The following NELL1 variants were observed in gnomAD, a reference collection of about 807,000 sequenced individuals.
NELL1 encodes the protein neural EGFL like 1, also known as protein kinase C-binding protein NELL1.
Under a neutral mutation model 107.4 loss-of-function variants are expected in NELL1, and 76 were observed. That is an observed-to-expected ratio of 0.71 (90% CI 0.59 to 0.86). NELL1 has a LOEUF of 0.86. Among genes scored for constraint, NELL1 ranks in the 40% least tolerant of loss-of-function variants. The pLI, the probability that NELL1 is intolerant of heterozygous loss-of-function variation, is 0.00. For missense variants in NELL1, 1,024 were observed against 1,005.5 expected, an observed-to-expected ratio of 1.02 and a Z score of -0.25; for synonymous variants, 353 against 341.2, an observed-to-expected ratio of 1.03 and a Z score of -0.38.
At chr11:21,564,959 G>A (rs183872997) in intron 17 of NELL1, among the ~76,000 whole-genome samples, 88 of 151,988 alleles carry the variant, frequency 5.8e-4, no homozygotes, top group African/African-American at 2.0e-3. Flanking sequence ...GAAAGAATCT[G>A]ATCCACAAGG....
chr11:20,870,285 A>G (rs997231398), intron 4 of NELL1, among the ~76,000 whole-genome samples: 2 of 152,200 alleles, frequency 1.3e-5, no homozygotes, highest in African/African-American at 4.8e-5. Flanking sequence ...TTTACCCATT[A>G]GTTTTCTTCA....
intron 15 of NELL1, among the ~76,000 whole-genome samples, chr11:21,489,196 C>A (rs76067362): frequency 6.6e-6 from 1 of 151,364 alleles, no homozygotes; most frequent in East Asian, 1.9e-4. Flanking sequence ...GGATAAATTC[C>A]TGGAAACATA....
At chr11:20,840,854 A>C (rs1385449378) in intron 3 of NELL1, among the ~76,000 whole-genome samples, 2 of 152,232 alleles carry the variant, frequency 1.3e-5, no homozygotes, top group Non-Finnish European at 2.9e-5. Context: ...GTCTCAAAAT[A>C]CAGTTTTCCC....
At chr11:20,745,158 C>T (rs1245573872) in intron 2 of NELL1, among the ~76,000 whole-genome samples, 1 of 152,142 alleles carries the variant, frequency 6.6e-6, no homozygotes, top group Non-Finnish European at 1.5e-5. Flanking sequence ...AGGATGTTAT[C>T]TTGTTCACAG....
chr11:21,313,662 T>C (rs1225111222), intron 14 of NELL1, among the ~76,000 whole-genome samples: 3 of 152,170 alleles, frequency 2.0e-5, no homozygotes, highest in Non-Finnish European at 4.4e-5. Context: ...GAGGGCCTTC[T>C]TGCTGGTGGG....
chr11:21,230,841 T>C (rs1045123327), intron 14 of NELL1, among the ~76,000 whole-genome samples: 1 of 152,076 alleles, frequency 6.6e-6, no homozygotes, highest in African/African-American at 2.4e-5. Context: ...TTTGACAAAA[T>C]TTATCAACAT....
At chr11:21,337,827 T>TTGCTTGCTTG (rs1565175539) in intron 14 of NELL1, among the ~76,000 whole-genome samples, 4 of 105,510 alleles carry the variant, frequency 3.8e-5, no homozygotes, top group African/African-American at 1.2e-4. Context: ...CTTCTTTCTT[T>TTGCTTGCTTG]CTTTCTTTCT....
At chr11:21,429,339 C>A (rs1852911040) in intron 15 of NELL1, among the ~76,000 whole-genome samples, 1 of 152,092 alleles carries the variant, frequency 6.6e-6, no homozygotes. Flanking sequence ...AAATATGATT[C>A]AAATGTTTTA....
chr11:21,370,569 A>G (rs940812142), intron 14 of NELL1, among the ~76,000 whole-genome samples: 1 of 152,106 alleles, frequency 6.6e-6, no homozygotes, highest in African/African-American at 2.4e-5. Flanking sequence ...TTTCAAATGT[A>G]TAAATGAGAG....
intron 15 of NELL1, among the ~76,000 whole-genome samples, chr11:21,474,188 T>A (rs1186573954): frequency 6.6e-6 from 1 of 152,066 alleles, no homozygotes; most frequent in Non-Finnish European, 1.5e-5. Context: ...ACATTAACTT[T>A]CTTTACTTAA....
chr11:21,339,464 A>G (rs995992047), intron 14 of NELL1, among the ~76,000 whole-genome samples: 12 of 152,204 alleles, frequency 7.9e-5, no homozygotes, highest in Non-Finnish European at 1.2e-4. Flanking sequence ...CTGTTGTTTA[A>G]GACATTAAGT....
chr11:21,417,208 C>G (rs578163835), intron 15 of NELL1, among the ~76,000 whole-genome samples: 16 of 151,942 alleles, frequency 1.1e-4, no homozygotes, highest in Middle Eastern at 3.2e-3. Context: ...TACCTCTTCT[C>G]CTCTCCCTTT....
intron 3 of NELL1, among the ~76,000 whole-genome samples, chr11:20,804,892 T>G (rs1857349423): frequency 6.6e-6 from 1 of 152,230 alleles, no homozygotes; most frequent in African/African-American, 2.4e-5. Context: ...TCTTCAATTA[T>G]TATTTTATTG....
chr11:20,949,389 A>G (rs1160704954), intron 11 of NELL1, among the ~76,000 whole-genome samples: 1 of 152,210 alleles, frequency 6.6e-6, no homozygotes, highest in Admixed American at 6.5e-5. Flanking sequence ...TCATGGCTAT[A>G]TTATCTGCAG....
At chr11:20,725,779 G>A (rs953775175) in intron 2 of NELL1, among the ~76,000 whole-genome samples, 4 of 152,136 alleles carry the variant, frequency 2.6e-5, no homozygotes, top group Non-Finnish European at 5.9e-5. Context: ...TAGATTCAGG[G>A]GGTCCATGTG....
rs371538732 is a variant in NELL1 at position 21,480,987 on chromosome 11, G to C, written c.1646-53387G>C. Among the ~76,000 whole-genome samples the C allele has an allele frequency of 2.0e-3, 309 of 152,170 alleles. 1 individual carries two copies. The highest frequency in any genetic ancestry group is 3.4e-3 in the Middle Eastern group (1 of 294). ...TGGCTAAATCACTAGTCACTTAACC[G>C]GATTACTAGTCACTTTACCTCAGTT... On this transcript the variant is annotated intron_variant, in intron 15 of 19. Coordinates refer to ENST00000357134, the MANE Select transcript of NELL1 (RefSeq NM_006157.5).
At chr11:21,523,624 C>T (rs1427222490) in intron 15 of NELL1, among the ~76,000 whole-genome samples, 1 of 152,084 alleles carries the variant, frequency 6.6e-6, no homozygotes, top group Non-Finnish European at 1.5e-5. Context: ...TCAAAATTAC[C>T]TCTCTGTTCA....
At chr11:21,089,734 G>T (rs1245601407) in intron 12 of NELL1, among the ~76,000 whole-genome samples, 1 of 152,170 alleles carries the variant, frequency 6.6e-6, no homozygotes, top group Admixed American at 6.5e-5. Flanking sequence ...TATAGGGTGC[G>T]ATTTTAGGAC....
At chr11:20,933,908 G>A (rs1252497285) in intron 9 of NELL1, among the ~76,000 whole-genome samples, 1 of 152,184 alleles carries the variant, frequency 6.6e-6, no homozygotes, top group Non-Finnish European at 1.5e-5. Context: ...ATGGAGAAGT[G>A]TGTGTTGGTG....
Sources: gnomAD v4.1 joint callset for allele counts (sites outside exome capture counted in the v4.1 genomes callset) on GRCh38, gnomAD v4.1.1 for gene constraint, MANE v1.5 for transcripts, NCBI Gene and HGNC (gene_info 2026-07-23, HGNC 2026-07-21) for gene names.